FAAH2: variants seen among roughly 807,000 people sequenced by gnomAD.
The protein encoded by FAAH2 is fatty-acid amide hydrolase 2.
In FAAH2, 60 loss-of-function variants were observed where a neutral mutation model predicts 36.9. The ratio of observed to expected loss-of-function variants is 1.63; its 90% CI spans 1.32 to 2.02. The LOEUF (loss-of-function observed/expected upper bound fraction) is 2.02. Ranked by LOEUF, FAAH2 falls within the 30% of genes most tolerant of loss-of-function variation. The probability of loss-of-function intolerance (pLI) is 0.00; values close to 1 mark genes in which losing one functional copy is unlikely to be tolerated. For missense variants in FAAH2, 689 were observed against 397.5 expected, an observed-to-expected ratio of 1.73 and a Z score of -6.23; for synonymous variants, 214 against 143.8, an observed-to-expected ratio of 1.49 and a Z score of -3.49.
the FAAH2 span, among the ~76,000 whole-genome samples, chrX:57,218,943 A>G: frequency 1.8e-5 from 2 of 111,770 alleles, no homozygotes; most frequent in African/African-American, 3.3e-5. Context: ...GATTGTCCCC[A>G]TGGCCTGAAA....
the FAAH2 span, among the ~76,000 whole-genome samples, chrX:57,259,580 G>A: frequency 3.6e-5 from 4 of 111,960 alleles, no homozygotes; most frequent in Admixed American, 1.9e-4. Context: ...TTAAGAACCT[G>A]AAGTAATAGA....
At chrX:57,286,688 T>C (rs1263993382), upstream of FAAH2, 2 of 586,586 alleles carry the variant, frequency 3.4e-6, no homozygotes, top group Non-Finnish European at 4.8e-6. Flanking sequence ...ATAAACAAGC[T>C]CCTGTGGAAT....
chrX:57,166,934 A>T, the FAAH2 span, among the ~76,000 whole-genome samples: 1 of 112,055 alleles, frequency 8.9e-6, no homozygotes. Flanking sequence ...ATGTGTAGAC[A>T]GTCGTTACAC....
In FAAH2 at chrX:57,488,775, G is replaced by T. The variant is rs1437659086; in HGVS notation, c.1442G>T (p.Gly481Val). 1.7e-6 allele frequency: 2 copies of T among 1,210,360 alleles called. No homozygotes were observed. The highest frequency in any genetic ancestry group is 2.2e-6 in the Non-Finnish European group (2 of 895,015). The change falls in exon 11 of 11, where the codon GGT becomes GTT. Residue 481 changes from glycine (G) to valine (V), a missense_variant. Gly to Val is a moderately radical substitution (Grantham distance 109). Coordinates refer to ENST00000374900, the MANE Select transcript of FAAH2 (RefSeq NM_174912.4). The part of the protein sequence containing the change: ...FAYTGVFSAL[G>V]LPVTQCPLGL... ...TCTTCAGGTGTCTTCAGTGCCCTGG[G>T]TTTGCCTGTGACCCAATGCCCACTG...
chrX:57,367,571 A>C (rs1225469262), intron 5 of FAAH2, among the ~76,000 whole-genome samples: 1 of 112,707 alleles, frequency 8.9e-6, no homozygotes, highest in Non-Finnish European at 1.9e-5. Flanking sequence ...TTTTAACTAT[A>C]TTATCTGAAA....
intron 2 of FAAH2, 126 bp from the exon 3 acceptor site, chrX:57,310,467 C>T: frequency 1.3e-6 from 1 of 758,518 alleles, no homozygotes; most frequent in Middle Eastern, 4.6e-4. Context: ...CTTTATAAGG[C>T]TCTTGACAAG....
intron 3 of FAAH2, among the ~76,000 whole-genome samples, chrX:57,331,167 C>G (rs1431302463): frequency 8.9e-6 from 1 of 111,839 alleles, no homozygotes; most frequent in African/African-American, 3.3e-5. Flanking sequence ...AGGCTCTGCT[C>G]CAGCTTGAGT....
chrX:57,250,401 A>T, the FAAH2 span, among the ~76,000 whole-genome samples: 1 of 111,860 alleles, frequency 8.9e-6, no homozygotes, highest in Non-Finnish European at 1.9e-5. Context: ...TATGGCATTC[A>T]ACACTTTAAA....
chrX:57,249,362 G>A, the FAAH2 span, among the ~76,000 whole-genome samples: 1 of 111,920 alleles, frequency 8.9e-6, no homozygotes, highest in Non-Finnish European at 1.9e-5. Context: ...GGTTTTCTCA[G>A]AACTTAAAGC....
intron 10 of FAAH2, among the ~76,000 whole-genome samples, chrX:57,454,850 G>A (rs934973751): frequency 1.8e-5 from 2 of 111,835 alleles, no homozygotes; most frequent in Non-Finnish European, 3.8e-5. Context: ...CAAAAGAAAA[G>A]GAGAGAGAGT....
At chrX:57,216,587 T>C in the FAAH2 span, among the ~76,000 whole-genome samples, 45 of 19,488 alleles carry the variant, frequency 2.3e-3, 2 homozygotes, top group African/African-American at 0.014. Flanking sequence ...TATATGTATA[T>C]GTATATATAT....
chrX:57,440,573 A>G (rs987165663), intron 8 of FAAH2, among the ~76,000 whole-genome samples: 17 of 111,029 alleles, frequency 1.5e-4, no homozygotes, highest in African/African-American at 5.6e-4. Flanking sequence ...TTCCTCTTTT[A>G]CTAATTGAAT....
At chrX:57,185,019 C>A in the FAAH2 span, among the ~76,000 whole-genome samples, 1 of 111,102 alleles carries the variant, frequency 9.0e-6, no homozygotes, top group Admixed American at 9.6e-5. Flanking sequence ...GCGTGCAATG[C>A]ATAATCACAT....
At chrX:57,333,161 GTTAT>G (rs2053452845) in intron 4 of FAAH2, among the ~76,000 whole-genome samples, 1 of 111,605 alleles carries the variant, frequency 9.0e-6, no homozygotes, top group Non-Finnish European at 1.9e-5. Flanking sequence ...CATCATAGGT[GTTAT>G]TTAAGAAGTC....
the FAAH2 span, among the ~76,000 whole-genome samples, chrX:57,248,379 T>C: frequency 8.9e-6 from 1 of 111,833 alleles, no homozygotes; most frequent in South Asian, 3.7e-4. Context: ...GAAATTCAGT[T>C]GTGTCTTTCT....
At chrX:57,257,577 A>G in the FAAH2 span, among the ~76,000 whole-genome samples, 2 of 110,840 alleles carry the variant, frequency 1.8e-5, no homozygotes, top group African/African-American at 3.3e-5. Context: ...TAACATTAGG[A>G]GAAATACCTA....
chrX:57,488,270 T>A (rs759500165), intron 10 of FAAH2, among the ~76,000 whole-genome samples: 53 of 111,980 alleles, frequency 4.7e-4, no homozygotes, highest in Non-Finnish European at 8.7e-4. Flanking sequence ...AGGTAAATAA[T>A]GACAAATCAC....
intron 7 of FAAH2, 102 bp downstream of exon 7, chrX:57,381,131 C>G: frequency 1.7e-6 from 1 of 589,722 alleles, no homozygotes; most frequent in South Asian, 3.2e-5. Flanking sequence ...TGTCAGCATA[C>G]GGAATTAAGG....
chrX:57,348,897 T>C (rs1384831843), intron 5 of FAAH2, among the ~76,000 whole-genome samples: 1 of 105,859 alleles, frequency 9.4e-6, no homozygotes, highest in Admixed American at 1.0e-4. Context: ...ATGACACCCC[T>C]AAAGGAACAC....
Sources: gnomAD v4.1 joint callset for allele counts (sites outside exome capture counted in the v4.1 genomes callset) on GRCh38, gnomAD v4.1.1 for gene constraint, MANE v1.5 for transcripts, NCBI Gene and HGNC (gene_info 2026-07-23, HGNC 2026-07-21) for gene names.